Variants in PAX8 observed in about 807,000 individuals in gnomAD.
The protein encoded by PAX8 is paired box protein Pax-8.
Under a neutral mutation model 52.4 loss-of-function variants are expected in PAX8, and 15 were observed. The ratio of observed to expected loss-of-function variants is 0.29; its 90% confidence interval spans 0.19 to 0.44. The LOEUF is 0.44. Among genes scored for constraint, PAX8 ranks in the 20% least tolerant of loss-of-function variants. The probability of loss-of-function intolerance (pLI) is 1.00; values close to 1 mark genes in which losing one functional copy is unlikely to be tolerated. For missense variants in PAX8, 554 were observed against 602.5 expected (o/e 0.92, Z 0.84); for synonymous variants, 284 against 249.7 (o/e 1.14, Z -1.29).
intron 10 of PAX8, among the ~76,000 whole-genome samples, chr2:113,224,461 C>A (rs758644535): frequency 6.7e-6 from 1 of 150,088 alleles, no homozygotes; most frequent in Non-Finnish European, 1.5e-5. Context: ...GCAGGAGAAT[C>A]ACTTGAACCC....
intron 2 of PAX8, chr2:113,271,030 CTG>C (rs1407369293): frequency 2.0e-5 from 3 of 152,208 alleles, no homozygotes; most frequent in Non-Finnish European, 2.9e-5. Context: ...CGTTCTAAAA[CTG>C]AACCTCTGCA....
chr2:113,221,370 C>T (rs559932326), intron 10 of PAX8, among the ~76,000 whole-genome samples: 13 of 152,334 alleles, frequency 8.5e-5, no homozygotes, highest in African/African-American at 3.1e-4. Context: ...TCCCCAGACT[C>T]TTTGGAGGGG....
At chr2:113,257,411 C>A (rs1303837501) in intron 2 of PAX8, among the ~76,000 whole-genome samples, 1 of 152,144 alleles carries the variant, frequency 6.6e-6, no homozygotes, top group Non-Finnish European at 1.5e-5. Context: ...GCCATGAGGA[C>A]CAACGCCAGC....
chr2:113,261,113 A>G (rs748859371), intron 2 of PAX8, among the ~76,000 whole-genome samples: 27 of 152,272 alleles, frequency 1.8e-4, no homozygotes, highest in Middle Eastern at 3.4e-3. Context: ...TATCCACTCT[A>G]AAAGCTGCCC....
intron 2 of PAX8, among the ~76,000 whole-genome samples, chr2:113,262,646 G>A (rs1436245694): frequency 1.3e-5 from 2 of 152,184 alleles, no homozygotes; most frequent in Admixed American, 6.5e-5. Flanking sequence ...TAGTTAAGGT[G>A]AGGTCATTAG....
In PAX8 at chr2:113,242,200, G is replaced by T. The variant is rs1690911685; in HGVS notation, c.479-70C>A. On this transcript the variant is annotated intron_variant, in intron 5 of 11. Coordinates refer to ENST00000429538, the MANE Select transcript of PAX8 (RefSeq NM_003466.4). ...CCTCACAGCCCTGGGTGACTCTGGG[G>T]TAGTTACAGTTGAGCTGGGGACTGC... is the stretch of plus-strand genomic sequence containing the variant. 7 of 1,391,350 alleles carry T rather than the reference G, an allele frequency of 5.0e-6. No individual in the cohort carries two copies. In the Admixed American group the frequency reaches 8.8e-5, roughly 18 times the overall value. 86.2% of individuals were successfully genotyped at this position (1,391,350 alleles called of 1,614,324 possible). A position where few individuals can be genotyped will look rare whatever the true frequency, so the allele number is the denominator to read the frequency against.
chr2:113,236,875 G>C (rs1215766961), intron 7 of PAX8, 154 bp from the exon 8 acceptor site: 3 of 877,266 alleles, frequency 3.4e-6, no homozygotes, highest in Non-Finnish European at 5.0e-6. Context: ...ACTCCACTCG[G>C]CACGTTTCGT....
intron 8 of PAX8, chr2:113,236,360 A>G (rs1416725429): frequency 6.5e-6 from 2 of 306,386 alleles, no homozygotes; most frequent in Admixed American, 5.8e-5. Flanking sequence ...CCGGCCTAGG[A>G]CCGGAGGCGC....
chr2:113,274,356 T>C (rs1343340922), intron 2 of PAX8: 1 of 152,062 alleles, frequency 6.6e-6, no homozygotes, highest in African/African-American at 2.4e-5. Context: ...TGGTTAGGGG[T>C]TGCTTAGAGA....
At chr2:113,241,105 TGAGCG>T in intron 7 of PAX8, 2 of 311,372 alleles carry the variant, frequency 6.4e-6, no homozygotes, top group South Asian at 2.9e-5. Context: ...CAGAGAGGTG[TGAGCG>T]AGGGTGGTGA....
At chr2:113,266,561 G>A (rs1380522889) in intron 2 of PAX8, 1 of 152,208 alleles carries the variant, frequency 6.6e-6, no homozygotes, top group Non-Finnish European at 1.5e-5. Context: ...ACAGAGTGGG[G>A]AGCTATGGCC....
chr2:113,220,360 G>C, intron 10 of PAX8, 182 bp from the exon 11 acceptor site: 1 of 593,572 alleles, frequency 1.7e-6, no homozygotes, highest in South Asian at 2.0e-5. Flanking sequence ...GGAACCCATC[G>C]ATCTGGAAAA....
chr2:113,232,864 C>T (rs752442459), intron 9 of PAX8, among the ~76,000 whole-genome samples: 23 of 152,066 alleles, frequency 1.5e-4, no homozygotes, highest in Admixed American at 9.8e-4. Flanking sequence ...CAAGCTTCTC[C>T]GCGGCTTCCA....
intron 9 of PAX8, among the ~76,000 whole-genome samples, chr2:113,228,801 G>A (rs1485623871): frequency 1.3e-5 from 2 of 152,026 alleles, no homozygotes; most frequent in East Asian, 3.9e-4. Context: ...CCACCCATCA[G>A]TCCCCCCCAG....
intron 2 of PAX8, chr2:113,267,284 C>G (rs1573538162): frequency 6.6e-6 from 1 of 152,304 alleles, no homozygotes; most frequent in Non-Finnish European, 1.5e-5. Flanking sequence ...CTGCTGCTGC[C>G]CACTTGGTAG....
At chr2:113,230,305 A>G (rs1371265608) in intron 9 of PAX8, among the ~76,000 whole-genome samples, 1 of 152,082 alleles carries the variant, frequency 6.6e-6, no homozygotes, top group Non-Finnish European at 1.5e-5. Context: ...TTCTCGTTCT[A>G]TTACCTGAAC....
chr2:113,271,485 G>C (rs2104600968), intron 2 of PAX8: 1 of 152,136 alleles, frequency 6.6e-6, no homozygotes, highest in South Asian at 2.1e-4. Context: ...ACTTCTAGGA[G>C]AGGCATCCAG....
At chr2:113,221,811 C>T (rs1689285743) in intron 10 of PAX8, among the ~76,000 whole-genome samples, 1 of 151,988 alleles carries the variant, frequency 6.6e-6, no homozygotes, top group Non-Finnish European at 1.5e-5. Context: ...CAGCCTAAAG[C>T]AGAGAAAGGC....
At chr2:113,275,304 G>A (rs1043522375) in intron 2 of PAX8, 1 of 152,122 alleles carries the variant, frequency 6.6e-6, no homozygotes, top group African/African-American at 2.4e-5. Context: ...CATTGTGGAG[G>A]GTGGGGGGGA....
Sources: allele counts gnomAD v4.1 joint callset (sites outside exome capture counted in the v4.1 genomes callset), GRCh38; gene constraint gnomAD v4.1.1; transcripts MANE v1.5; gene names NCBI Gene and HGNC (gene_info 2026-07-23, HGNC 2026-07-21).